PYCR1: variants seen among roughly 807,000 people sequenced by gnomAD.
The protein encoded by PYCR1 is pyrroline-5-carboxylate reductase 1, mitochondrial.
In PYCR1, 19 loss-of-function variants were observed where a neutral mutation model predicts 22.9. That is an observed-to-expected ratio of 0.83 (90% CI 0.58 to 1.22). PYCR1 has a LOEUF of 1.22. Ranked by LOEUF, PYCR1 falls within the 50% of genes most tolerant of loss-of-function variation. The pLI, the probability that PYCR1 is intolerant of heterozygous loss-of-function variation, is 0.00. For missense variants in PYCR1, 429 were observed against 431.3 expected (o/e 0.99, Z 0.05); for synonymous variants, 175 against 180.5 (o/e 0.97, Z 0.24).
rs2041221052 is a variant in PYCR1, at chr17:81,937,085, A to G, written c.-271T>C. The G allele has an allele frequency of 1.4e-6, 2 of 1,428,916 alleles. No homozygotes were observed. The highest frequency in any genetic ancestry group is 1.8e-6 in the Non-Finnish European group (2 of 1,094,962). 88.5% of individuals were successfully genotyped at this position (1,428,916 alleles called of 1,614,324 possible). A position where few individuals can be genotyped will look rare whatever the true frequency, so the allele number is the denominator to read the frequency against. ...TGGAGGGGTGGAGGTTCCGCAGAAG[A>G]AATGACTGGGAAGGGGGAAAAGTAC... On this transcript the variant is annotated 5_prime_UTR_variant, in exon 1 of 7. Coordinates refer to ENST00000329875, the MANE Select transcript of PYCR1 (RefSeq NM_006907.4).
At chr17:81,935,553 G>A in intron 2 of PYCR1, 37 bp from the exon 3 acceptor site, 2 of 1,567,354 alleles carry the variant, frequency 1.3e-6, no homozygotes, top group Non-Finnish European at 1.7e-6. Context: ...CTGGTCCCGT[G>A]GCTGTCTGTA....
chr17:81,936,061 C>T (rs2041179234), intron 2 of PYCR1, 62 bp downstream of exon 2: 3 of 1,580,908 alleles, frequency 1.9e-6, no homozygotes, highest in Non-Finnish European at 2.6e-6. Context: ...GCACACACTC[C>T]TGCCTCTCAC....
chr17:81,933,758 G>A (rs904337253), intron 6 of PYCR1, among the ~76,000 whole-genome samples: 60 of 152,184 alleles, frequency 3.9e-4, no homozygotes, highest in African/African-American at 9.7e-4. Flanking sequence ...GCAGTGTGGC[G>A]AGAAAGACGT....
chr17:81,935,625 G>T, intron 2 of PYCR1, 109 bp from the exon 3 acceptor site: 1 of 888,596 alleles, frequency 1.1e-6, no homozygotes, highest in Non-Finnish European at 1.7e-6. Context: ...GTTGGGGGTG[G>T]GCAGGGCTGG....
chr17:81,935,334 T>TA lies in PYCR1; in HGVS notation c.318+2dup. ...CCACACCCCACTGGGCCTGCGGTGCTACCTTCTCAATGGAGCTGATGGTGA... is the reference window on the plus strand; with the variant it reads ...CCACACCCCACTGGGCCTGCGGTGCTAACCTTCTCAATGGAGCTGATGGTGA... On this transcript the variant is annotated splice_region_variant and intron_variant, in intron 3 of 6. Coordinates refer to ENST00000329875, the MANE Select transcript of PYCR1 (RefSeq NM_006907.4). The TA allele has an allele frequency of 6.2e-7, 1 of 1,611,852 alleles. No individual in the cohort carries two copies. Among genetic ancestry groups the TA allele is most frequent in the South Asian group, 1.1e-5 (1 of 91,010 alleles).
chr17:81,936,272 C>G, intron 1 of PYCR1, 79 bp from the exon 2 acceptor site: 1 of 1,432,702 alleles, frequency 7.0e-7, no homozygotes, highest in Non-Finnish European at 9.6e-7. Flanking sequence ...GTTGCCCAGG[C>G]TGGAGTGCAG....
In PYCR1 at chr17:81,937,237, G is replaced by C; in HGVS notation, c.-423C>G. The C allele has an allele frequency of 7.0e-7, 1 of 1,423,688 alleles. No individual in the cohort carries two copies. Among genetic ancestry groups the C allele is most frequent in the Non-Finnish European group, 9.2e-7 (1 of 1,091,320 alleles). The allele number at this position is 1,423,688 out of a possible 1,614,324, so 88.2% of individuals were successfully genotyped here. On this transcript the variant is annotated 5_prime_UTR_variant, in exon 1 of 7. Coordinates refer to ENST00000329875, the MANE Select transcript of PYCR1 (RefSeq NM_006907.4). ...ATTCCCGGAGCCCGACCCCAACCCA[G>C]CTACCGTGCGCGGGTCGTACCCACC...
rs1328542268 is a variant in PYCR1 at position 81,934,646 on chromosome 17, C to T, written c.633+7G>A. On this transcript the variant is annotated splice_region_variant and intron_variant, in intron 5 of 6. Coordinates refer to ENST00000329875, the MANE Select transcript of PYCR1 (RefSeq NM_006907.4). ...GGCCCCACCAGAGGGTCAGGAAACA[C>T]ACTGACCAGGAGGGCCTGGGCCCCG... The T allele has an allele frequency of 6.4e-7, 1 of 1,560,794 alleles. No individual in the cohort carries two copies. The highest frequency in any genetic ancestry group is 2.4e-5 in the East Asian group (1 of 41,726).
chr17:81,933,712 C>A (rs1382377418), intron 6 of PYCR1, among the ~76,000 whole-genome samples: 1 of 152,218 alleles, frequency 6.6e-6, no homozygotes, highest in Non-Finnish European at 1.5e-5. Context: ...CAGGGTGGCA[C>A]TCGCAGAGTC....
rs775754588 is a variant in PYCR1, at chr17:81,936,735, C to G, written c.67+13G>C. The G allele has an allele frequency of 1.0e-5, 16 of 1,601,156 alleles. No individual in the cohort carries two copies. Among genetic ancestry groups the G allele is most frequent in the African/African-American group, 1.3e-5 (1 of 74,980 alleles). ...TCCCACTGGGCCTCACCGTCCCCCA[C>G]CTGGGGGCCTACCTGCTGCTGTGAA... On this transcript the variant is annotated intron_variant, in intron 1 of 6. Coordinates refer to ENST00000329875, the MANE Select transcript of PYCR1 (RefSeq NM_006907.4).
intron 3 of PYCR1, 21 bp downstream of exon 3, chr17:81,935,316 C>T (rs1157274750): frequency 6.2e-7 from 1 of 1,610,758 alleles, no homozygotes; most frequent in East Asian, 2.2e-5. Flanking sequence ...TCTCCACACC[C>T]CACTGGGCCT....
intron 4 of PYCR1, 23 bp from the exon 5 acceptor site, chr17:81,934,768 G>T (rs530664226): frequency 6.5e-7 from 1 of 1,544,440 alleles, no homozygotes; most frequent in African/African-American, 1.4e-5. Flanking sequence ...GGCACCCTGA[G>T]CCTCTCTCCT....
Position 81,933,308 on chromosome 17 carries a change from T to C in PYCR1, c.866A>G (p.Lys289Arg), listed in dbSNP as rs34575645. 1.8e-5 allele frequency: 29 copies of C among 1,613,914 alleles called. No individual in the cohort carries two copies. Among genetic ancestry groups the C allele is most frequent in the Middle Eastern group, 3.3e-4 (2 of 6,084 alleles). The change falls in exon 7 of 7, where the codon AAG (lysine) becomes AGG (arginine). Residue 289 changes from lysine to arginine, a missense_variant. Transcript: ENST00000329875. ...CCCTGCAGGGGAGTCCAGCTTCACC[T>C]TGTCCAGGATGGTCTTCTTGATGGC... ...PAAIKKTILDKVKLDSPAGTA... is the reference protein window; with the variant it reads ...PAAIKKTILDRVKLDSPAGTA...
chr17:81,933,853 C>G (rs1370428107), intron 6 of PYCR1, among the ~76,000 whole-genome samples: 1 of 152,254 alleles, frequency 6.6e-6, no homozygotes, highest in African/African-American at 2.4e-5. Flanking sequence ...CCCAGGCAAA[C>G]AGCAAACTCT....
At position 81,935,402 on chromosome 17, in the gene PYCR1, C is replaced by T. The variant is rs116873841; in HGVS notation, c.253G>A (p.Asp85Asn). ...ACCACAATGTGTCTGTCCTCAATGTCGGCGCCTATTTCATCCAGGATGAAG... is the reference window on the plus strand; with the variant it reads ...ACCACAATGTGTCTGTCCTCAATGTTGGCGCCTATTTCATCCAGGATGAAG... ...IPFILDEIGA[D>N]IEDRHIVVSC... is the part of the protein sequence containing the mutation. The change falls in exon 3 of 7, where the codon GAC becomes AAC. Residue 85 changes from aspartate to asparagine, a missense_variant. By Grantham distance (23) the Asp-to-Asn change is conservative. Transcript: ENST00000329875. 36 of 1,613,614 alleles carry T rather than the reference C, an allele frequency of 2.2e-5. No individual in the cohort carries two copies. The highest frequency in any genetic ancestry group is 1.3e-4 in the East Asian group (6 of 44,892).
In PYCR1 at chr17:81,936,781, C is replaced by T; in HGVS notation, c.34G>A (p.Ala12Thr). 1 of 1,610,444 alleles carries T rather than the reference C, an allele frequency of 6.2e-7. No homozygotes were observed. The highest frequency in any genetic ancestry group is 1.3e-5 in the African/African-American group (1 of 75,060). Residue 12 changes from alanine (A) to threonine (T), a missense_variant, in exon 1 of 7, where the codon GCT becomes ACT. Ala to Thr is a moderately conservative substitution (Grantham distance 58). Coordinates refer to ENST00000329875, the MANE Select transcript of PYCR1 (RefSeq NM_006907.4). ...SVGFIGAGQL[A>T]FALAKGFTAA... ...GTGAAGCCCTTGGCCAGGGCAAAAGCCAGCTGGCCAGCGCCGATGAAGCCC... is the reference window on the plus strand; with the variant it reads ...GTGAAGCCCTTGGCCAGGGCAAAAGTCAGCTGGCCAGCGCCGATGAAGCCC...
At position 81,935,378 on chromosome 17, in the gene PYCR1, C is replaced by A. The variant is rs775597694; in HGVS notation, c.277G>T (p.Val93Leu). ...GADIEDRHIV[V>L]SCAAGVTISS... Reference sequence around the variant, plus strand: ...ATGGTGACGCCGGCCGCGCAGGACACCACAATGTGTCTGTCCTCAATGTCG... The same window carrying A: ...ATGGTGACGCCGGCCGCGCAGGACAACACAATGTGTCTGTCCTCAATGTCG... Residue 93 changes from valine to leucine, a missense_variant, in exon 3 of 7, where the codon GTG (valine) becomes TTG (leucine). Transcript: ENST00000329875. 2 of 1,613,232 alleles carry A rather than the reference C, an allele frequency of 1.2e-6. No homozygotes were observed. The highest frequency in any genetic ancestry group is 3.3e-5 in the Admixed American group (2 of 59,994).
chr17:81,934,966 A>G lies in PYCR1; in HGVS notation c.500T>C (p.Ile167Thr), dbSNP rs766164634. Reference protein sequence around the residue: ...GFCTEVEEDLIDAVTGLSGSG... With the variant: ...GFCTEVEEDLTDAVTGLSGSG... Reference sequence around the variant, plus strand: ...GCCACTGAGCCCCGTGACGGCATCAATCAGGTCCTCTTCCACCTCCGTGCA... The same window carrying G: ...GCCACTGAGCCCCGTGACGGCATCAGTCAGGTCCTCTTCCACCTCCGTGCA... The change falls in exon 4 of 7, where the codon ATT (isoleucine) becomes ACT (threonine). Residue 167 changes from isoleucine (I) to threonine (T), a missense_variant. Coordinates refer to ENST00000329875, the MANE Select transcript of PYCR1 (RefSeq NM_006907.4). The G allele has an allele frequency of 8.1e-6, 13 of 1,609,618 alleles. No individual in the cohort carries two copies. Among genetic ancestry groups the G allele is most frequent in the South Asian group, 2.2e-5 (2 of 91,004 alleles).
In PYCR1 at chr17:81,933,173, GAA is replaced by G. The variant is rs1000962824; in HGVS notation, c.*39_*40del. 1 of 1,610,318 alleles carries G rather than the reference GAA, an allele frequency of 6.2e-7. No homozygotes were observed. Among genetic ancestry groups the G allele is most frequent in the African/African-American group, 1.3e-5 (1 of 74,896 alleles). On this transcript the variant is annotated 3_prime_UTR_variant, in exon 7 of 7. Coordinates refer to ENST00000329875, the MANE Select transcript of PYCR1 (RefSeq NM_006907.4). ...CCCCCTAGTCCCCCTAGTGACAAGA[GAA>G]GAGAAGGTGGTGGCAGGATGGTGGT...
Sources: allele counts gnomAD v4.1 joint callset (sites outside exome capture counted in the v4.1 genomes callset), GRCh38; gene constraint gnomAD v4.1.1; transcripts MANE v1.5; gene names NCBI Gene and HGNC (gene_info 2026-07-23, HGNC 2026-07-21).